Variants in PTPRN2 observed in about 807,000 individuals in gnomAD.
The protein encoded by PTPRN2 is receptor-type tyrosine-protein phosphatase N2.
A neutral mutation model predicts 118.8 loss-of-function variants in PTPRN2; 74 were observed. The observed-to-expected ratio is 0.62, with a 90% confidence interval of 0.52 to 0.76. PTPRN2 has a LOEUF of 0.76. Ranked by LOEUF, PTPRN2 falls within the 30% of genes least tolerant of loss-of-function variation. The pLI is 0.00. For synonymous variants in PTPRN2, 641 were observed against 608.0 expected (o/e 1.05, Z -0.80); for missense variants, 1,481 against 1,394.4 (o/e 1.06, Z -0.99).
intron 2 of PTPRN2, among the ~76,000 whole-genome samples, chr7:158,343,501 GAAA>G (rs935925261): frequency 6.6e-6 from 1 of 152,238 alleles, no homozygotes; most frequent in African/African-American, 2.4e-5. Context: ...AAGCACACGG[GAAA>G]AGTTCAATGT....
At chr7:158,486,140 A>C (rs10272624) in intron 2 of PTPRN2, among the ~76,000 whole-genome samples, 29,196 of 152,230 alleles carry the variant, frequency 0.19, 3,306 homozygotes, top group East Asian at 0.41. Context: ...GGATTATTTT[A>C]TTGGGGCATA....
chr7:158,545,118 C>T (rs1193410044), intron 1 of PTPRN2, among the ~76,000 whole-genome samples: 1 of 152,244 alleles, frequency 6.6e-6, no homozygotes, highest in East Asian at 1.9e-4. Context: ...CCAGCCTCAA[C>T]ATCCACCGGG....
intron 1 of PTPRN2, 45 bp downstream of exon 1, chr7:158,587,513 C>A: frequency 8.2e-7 from 1 of 1,226,174 alleles, no homozygotes; most frequent in Non-Finnish European, 1.0e-6. Flanking sequence ...ACAACGCCCC[C>A]AACTAATTCA....
At chr7:157,989,245 C>G (rs1266151385) in intron 11 of PTPRN2, among the ~76,000 whole-genome samples, 1 of 152,092 alleles carries the variant, frequency 6.6e-6, no homozygotes, top group Non-Finnish European at 1.5e-5. Flanking sequence ...TGGTGAAACT[C>G]TGTCTCTACT....
At chr7:157,567,766 G>A (rs1184156492) in intron 21 of PTPRN2, among the ~76,000 whole-genome samples, 2 of 152,162 alleles carry the variant, frequency 1.3e-5, no homozygotes, top group African/African-American at 4.8e-5. Flanking sequence ...GAAAGAGACC[G>A]TAGGATGCTA....
At chr7:157,751,397 T>C (rs912436085) in intron 12 of PTPRN2, among the ~76,000 whole-genome samples, 1 of 152,172 alleles carries the variant, frequency 6.6e-6, no homozygotes, top group Non-Finnish European at 1.5e-5. Flanking sequence ...GAAGGCACCA[T>C]GCATTTAAAT....
chr7:157,595,943 G>C (rs1801312086), intron 16 of PTPRN2, among the ~76,000 whole-genome samples: 1 of 152,190 alleles, frequency 6.6e-6, no homozygotes, highest in Admixed American at 6.5e-5. Flanking sequence ...GCCGTTGTTA[G>C]CCCACTCAGC....
At chr7:158,238,619 G>C (rs892044030) in intron 3 of PTPRN2, among the ~76,000 whole-genome samples, 2 of 152,122 alleles carry the variant, frequency 1.3e-5, no homozygotes, top group South Asian at 4.1e-4. Context: ...TCTTAAACGG[G>C]AACTTCCCAG....
intron 12 of PTPRN2, among the ~76,000 whole-genome samples, chr7:157,797,227 G>T (rs1287014659): frequency 6.6e-6 from 1 of 152,224 alleles, no homozygotes; most frequent in East Asian, 1.9e-4. Flanking sequence ...GAAATGAGAA[G>T]TAGGTAGCCT....
At chr7:158,010,119 C>T (rs1440591685) in intron 11 of PTPRN2, among the ~76,000 whole-genome samples, 1 of 152,174 alleles carries the variant, frequency 6.6e-6, no homozygotes, top group Non-Finnish European at 1.5e-5. Flanking sequence ...GTGTGAACTG[C>T]CCTGCTTACT....
chr7:158,481,353 T>C (rs1033375250), intron 2 of PTPRN2, among the ~76,000 whole-genome samples: 24 of 152,252 alleles, frequency 1.6e-4, no homozygotes, highest in African/African-American at 5.8e-4. Flanking sequence ...AGTGCACCAG[T>C]CACCCAAGAG....
At chr7:158,340,709 C>A (rs1445108098) in intron 2 of PTPRN2, among the ~76,000 whole-genome samples, 9 of 76,592 alleles carry the variant, frequency 1.2e-4, no homozygotes, top group Non-Finnish European at 2.6e-4. Context: ...CTGCAGACGT[C>A]ACTCACACCC....
Position 157,604,073 on chromosome 7 carries a change from C to T in PTPRN2, c.2347G>A (p.Asp783Asn). The change falls in exon 16 of 23, where the codon GAC becomes AAC. Residue 783 changes from aspartate to asparagine, a missense_variant and splice_region_variant. By Grantham distance (23) the Asp-to-Asn change is conservative. Coordinates refer to ENST00000389418, the MANE Select transcript of PTPRN2 (RefSeq NM_002847.5). ...KNRSLAVLTY[D>N]HSRVLLKAEN... is the part of the protein sequence containing the mutation. ...GCCTTCAGCAGGACCCGGGAGTGGTCATCTGCAAGGACACAGTGCAGGGGT... is the reference window on the plus strand; with the variant it reads ...GCCTTCAGCAGGACCCGGGAGTGGTTATCTGCAAGGACACAGTGCAGGGGT... The T allele has an allele frequency of 6.2e-7, 1 of 1,613,722 alleles. No individual in the cohort carries two copies. Among genetic ancestry groups the T allele is most frequent in the Non-Finnish European group, 8.5e-7 (1 of 1,179,968 alleles).
chr7:158,031,482 T>C (rs997224360), intron 11 of PTPRN2, among the ~76,000 whole-genome samples: 2 of 152,254 alleles, frequency 1.3e-5, no homozygotes, highest in African/African-American at 2.4e-5. Context: ...TCCGTCACTC[T>C]GTGAGAATAC....
intron 11 of PTPRN2, among the ~76,000 whole-genome samples, chr7:158,062,534 C>G (rs1010622738): frequency 1.3e-5 from 2 of 152,194 alleles, no homozygotes; most frequent in Non-Finnish European, 2.9e-5. Context: ...CTGGCCAAGG[C>G]CTGAGCCGGC....
chr7:158,175,994 G>A (rs1329906233), intron 5 of PTPRN2, among the ~76,000 whole-genome samples: 1 of 151,764 alleles, frequency 6.6e-6, no homozygotes, highest in African/African-American at 2.4e-5. Flanking sequence ...ACGACATCGT[G>A]AGGCCAGTGC....
Position 158,525,281 on chromosome 7 carries a change from G to T in PTPRN2, c.113-35496C>A, listed in dbSNP as rs1185573652. Among the ~76,000 whole-genome samples the T allele has an allele frequency of 6.6e-6, 1 of 152,192 alleles. No homozygotes were observed. Among genetic ancestry groups the T allele is most frequent in the African/African-American group, 2.4e-5 (1 of 41,452 alleles). ...TCTCTATTTTGGAAACTGGGCATCT[G>T]CCAAGGAGAACACACGGCCCCCTAA... On this transcript the variant is annotated intron_variant, in intron 1 of 22. Transcript: ENST00000389418. This position sits in a 1 kb window ranked among gnomAD's most constrained non-coding sequence, Gnocchi z 4.1.
chr7:157,564,820 CATAT>C (rs1367126677), intron 21 of PTPRN2, among the ~76,000 whole-genome samples: 2 of 152,222 alleles, frequency 1.3e-5, no homozygotes, highest in Non-Finnish European at 2.9e-5. Context: ...GCCCCAGGGA[CATAT>C]CCAGGGATGT....
intron 2 of PTPRN2, among the ~76,000 whole-genome samples, chr7:158,372,658 G>C (rs1810164064): frequency 6.6e-6 from 1 of 152,138 alleles, no homozygotes; most frequent in Non-Finnish European, 1.5e-5. Flanking sequence ...GGTTCCCGGA[G>C]CTGATCTCCA....
Sources: gnomAD v4.1 joint callset for allele counts (sites outside exome capture counted in the v4.1 genomes callset) on GRCh38, gnomAD v4.1.1 for gene constraint, Gnocchi (gnomAD v3.1) non-coding constraint, MANE v1.5 for transcripts, NCBI Gene and HGNC (gene_info 2026-07-23, HGNC 2026-07-21) for gene names.